The following ADGRG7 variants were observed in gnomAD, a reference collection of about 807,000 sequenced individuals.
ADGRG7 encodes the protein G-protein coupled receptor 128.
ADGRG7 carries 82 observed loss-of-function variants against 88.6 expected under a neutral mutation model. The observed-to-expected ratio is 0.93, with a 90% confidence interval of 0.77 to 1.11. The LOEUF is 1.11. ADGRG7 is among the 50% of genes most tolerant of loss of function. The pLI is 0.00. For missense variants in ADGRG7, 945 were observed against 953.4 expected (o/e 0.99, Z 0.12); for synonymous variants, 381 against 345.2 (o/e 1.10, Z -1.15).
At chr3:100,626,026 A>C (rs1361078434) in intron 1 of ADGRG7, among the ~76,000 whole-genome samples, 1 of 152,204 alleles carries the variant, frequency 6.6e-6, no homozygotes, top group Non-Finnish European at 1.5e-5. Context: ...GGCTTCATAA[A>C]ATGAGCTAGG....
At chr3:100,688,804 G>T (rs1178463894) in intron 15 of ADGRG7, among the ~76,000 whole-genome samples, 1 of 152,158 alleles carries the variant, frequency 6.6e-6, no homozygotes, top group Non-Finnish European at 1.5e-5. Flanking sequence ...CAACTATGTG[G>T]TCAATTTTGG....
chr3:100,686,962 A>G (rs1000567956), intron 15 of ADGRG7, among the ~76,000 whole-genome samples: 2 of 152,314 alleles, frequency 1.3e-5, no homozygotes, highest in East Asian at 1.9e-4. Context: ...TCTATAAATT[A>G]CCTTGGGCAG....
intron 15 of ADGRG7, among the ~76,000 whole-genome samples, chr3:100,685,613 G>C (rs1410000015): frequency 6.6e-6 from 1 of 152,134 alleles, no homozygotes; most frequent in Non-Finnish European, 1.5e-5. Context: ...CTATGAGTGA[G>C]AACATGCAGT....
chr3:100,648,623 A>G (rs1559679366), intron 10 of ADGRG7, among the ~76,000 whole-genome samples: 2 of 152,162 alleles, frequency 1.3e-5, no homozygotes, highest in Non-Finnish European at 2.9e-5. Context: ...TGTTTGTGTA[A>G]GAGACATAGA....
intron 5 of ADGRG7, among the ~76,000 whole-genome samples, chr3:100,636,713 G>T (rs1366121580): frequency 6.6e-6 from 1 of 152,088 alleles, no homozygotes; most frequent in East Asian, 1.9e-4. Flanking sequence ...AAATGGAATT[G>T]AAAGAGAAAA....
rs1023495878 is a variant in ADGRG7, at chr3:100,643,564, C to A, written c.877C>A (p.His293Asn). 6.2e-7 allele frequency: 1 copy of A among 1,613,610 alleles called. No homozygotes were observed. The highest frequency in any genetic ancestry group is 8.5e-7 in the Non-Finnish European group (1 of 1,179,614). ...TCTAGTTTCTAGTTCAACATTTATA[C>A]ATACAAATGTGGATGGCCTTAACCC... is the stretch of plus-strand genomic sequence containing the variant. The part of the protein sequence containing the change: ...SSLVSSSTFI[H>N]TNVDGLNPDA... The change falls in exon 8 of 16, where the codon CAT becomes AAT. Residue 293 changes from histidine (H) to asparagine (N), a missense_variant. Transcript: ENST00000273352.
intron 15 of ADGRG7, among the ~76,000 whole-genome samples, chr3:100,684,660 G>T (rs1477870831): frequency 6.6e-6 from 1 of 151,534 alleles, no homozygotes; most frequent in East Asian, 1.9e-4. Context: ...TGTTATCTTA[G>T]TTTTTTTTCC....
rs1707529148 is a variant in ADGRG7 at position 100,635,745 on chromosome 3, T to C, written c.516T>C (p.Asn172=). 1 of 1,613,908 alleles carries C rather than the reference T, an allele frequency of 6.2e-7. No homozygotes were observed. The highest frequency in any genetic ancestry group is 8.5e-7 in the Non-Finnish European group (1 of 1,179,916). The part of the protein sequence containing the change: ...SEVQILTSDA[N]KLTAENITSA... ...TCCAGATTTTAACATCTGATGCCAA[T>C]AAATTAACTGCTGAGAACATCACTA... The change falls in exon 5 of 16, where the codon AAT becomes AAC. Residue 172 remains asparagine, a synonymous_variant. Coordinates refer to ENST00000273352, the MANE Select transcript of ADGRG7 (RefSeq NM_032787.3).
At position 100,609,963 on chromosome 3, in the gene ADGRG7, T is replaced by C; in HGVS notation, c.107T>C (p.Ile36Thr). The change falls in exon 1 of 16, where the codon ATC (isoleucine) becomes ACC (threonine). Residue 36 changes from isoleucine (I) to threonine (T), a missense_variant. Ile to Thr is a moderately conservative substitution (Grantham distance 89). Transcript: ENST00000273352. ...GLGIWRIVIRIQRGKSTSSSS... is the reference protein window; with the variant it reads ...GLGIWRIVIRTQRGKSTSSSS... Reference sequence around the variant, plus strand: ...GGCATCTGGAGGATTGTGATCAGGATCCAAAGAGGTAATGTTGTCCTGCTA... The same window carrying C: ...GGCATCTGGAGGATTGTGATCAGGACCCAAAGAGGTAATGTTGTCCTGCTA... The C allele has an allele frequency of 6.2e-7, 1 of 1,611,998 alleles. No individual in the cohort carries two copies. Among genetic ancestry groups the C allele is most frequent in the South Asian group, 1.1e-5 (1 of 91,028 alleles).
intron 1 of ADGRG7, among the ~76,000 whole-genome samples, chr3:100,615,355 T>C (rs1406097661): frequency 6.6e-6 from 1 of 152,248 alleles, no homozygotes; most frequent in African/African-American, 2.4e-5. Flanking sequence ...GTACTATTTT[T>C]GCTGTATTTT....
rs1286293993 is a variant in ADGRG7 at position 100,654,825 on chromosome 3, T to A, written c.1380-10T>A. 3 of 1,496,010 alleles carry A rather than the reference T, an allele frequency of 2.0e-6. No individual in the cohort carries two copies. Among genetic ancestry groups the A allele is most frequent in the South Asian group, 2.6e-5 (2 of 77,194 alleles). 92.7% of individuals were successfully genotyped at this position (1,496,010 alleles called of 1,614,324 possible). A position where few individuals can be genotyped will look rare whatever the true frequency, so the allele number is the denominator to read the frequency against. ...ATTTAATTTTTTTATATTAATTTAC[T>A]TATTTTCAGGAAAGTCAGAAAAACC... is the stretch of plus-strand genomic sequence containing the variant. On this transcript the variant is annotated splice_polypyrimidine_tract_variant and intron_variant, in intron 11 of 15. Coordinates refer to ENST00000273352, the MANE Select transcript of ADGRG7 (RefSeq NM_032787.3).
At chr3:100,669,322 T>TA (rs933495573) in intron 15 of ADGRG7, among the ~76,000 whole-genome samples, 32 of 151,528 alleles carry the variant, frequency 2.1e-4, no homozygotes, top group Middle Eastern at 3.4e-3. Flanking sequence ...CCATCTCTAC[T>TA]AAAAAAAATA....
At chr3:100,646,526 A>G (rs781173823) in intron 9 of ADGRG7, 43 bp from the exon 10 acceptor site, 1 of 1,518,604 alleles carries the variant, frequency 6.6e-7, no homozygotes, top group South Asian at 1.2e-5. Context: ...AACCCAATTA[A>G]GTATTTAGAA....
At chr3:100,685,530 G>T (rs560930632) in intron 15 of ADGRG7, among the ~76,000 whole-genome samples, 1 of 151,618 alleles carries the variant, frequency 6.6e-6, no homozygotes, top group Non-Finnish European at 1.5e-5. Flanking sequence ...TCCCCTCCCC[G>T]CACCCCACAA....
chr3:100,684,371 C>T (rs1420834739), intron 15 of ADGRG7, among the ~76,000 whole-genome samples: 11 of 151,802 alleles, frequency 7.2e-5, no homozygotes, highest in Admixed American at 6.6e-4. Context: ...TCAATTGATC[C>T]CCCCACCTCA....
intron 2 of ADGRG7, 60 bp from the exon 3 acceptor site, chr3:100,630,645 T>C: frequency 1.3e-6 from 1 of 780,158 alleles, no homozygotes; most frequent in Non-Finnish European, 1.8e-6. Context: ...TTGACTTTTA[T>C]CTGGTTTCAA....
At position 100,659,697 on chromosome 3, in the gene ADGRG7, G is replaced by T. The variant is rs750265857; in HGVS notation, c.1833G>T (p.Leu611=). The T allele has an allele frequency of 6.2e-7, 1 of 1,613,074 alleles. No homozygotes were observed. The highest frequency in any genetic ancestry group is 8.5e-7 in the Non-Finnish European group (1 of 1,179,676). The change falls in exon 14 of 16, where the codon CTG becomes CTT. Residue 611 remains leucine (L), a synonymous_variant. Coordinates refer to ENST00000273352, the MANE Select transcript of ADGRG7 (RefSeq NM_032787.3). The part of the protein sequence containing the change: ...LDYRQEKICW[L]AIPEPNGVIK... ...TTTTTTTCCTCCACAGCTGCTGGCT[G>T]GCAATTCCAGAACCCAATGGTGTTA... is the stretch of plus-strand genomic sequence containing the variant.
intron 14 of ADGRG7, among the ~76,000 whole-genome samples, chr3:100,662,901 A>G (rs2094947306): frequency 6.6e-6 from 1 of 152,154 alleles, no homozygotes; most frequent in South Asian, 2.1e-4. Context: ...AATATACTTG[A>G]AAAGAACAAT....
intron 15 of ADGRG7, among the ~76,000 whole-genome samples, chr3:100,683,655 C>A (rs1296414336): frequency 6.6e-6 from 1 of 152,192 alleles, no homozygotes; most frequent in Non-Finnish European, 1.5e-5. Flanking sequence ...GGTAGCTAAG[C>A]CAAGCACAGC....
Sources: allele counts gnomAD v4.1 joint callset (sites outside exome capture counted in the v4.1 genomes callset), GRCh38; gene constraint gnomAD v4.1.1; transcripts MANE v1.5; gene names NCBI Gene and HGNC (gene_info 2026-07-23, HGNC 2026-07-21).